Variants in EDC4 observed in about 807,000 individuals in gnomAD.
EDC4 encodes the protein enhancer of mRNA-decapping protein 4.
In EDC4, 64 loss-of-function variants were observed where a neutral mutation model predicts 155.8. That is an observed-to-expected ratio of 0.41 (90% confidence interval 0.34 to 0.51). The LOEUF (loss-of-function observed/expected upper bound fraction) is 0.51, where lower values mean the gene tolerates loss of function less well. EDC4 is among the 20% of genes least tolerant of loss of function. The pLI is 0.19. For missense variants in EDC4, 1,303 were observed against 1,812.5 expected (o/e 0.72, Z 5.10); for synonymous variants, 684 against 716.8 (o/e 0.95, Z 0.73).
chr16:67,875,379 A>G (rs919298505), intron 1 of EDC4, among the ~76,000 whole-genome samples: 1 of 152,084 alleles, frequency 6.6e-6, no homozygotes, highest in Non-Finnish European at 1.5e-5. Context: ...CTCTGACACT[A>G]CATTGGTCTA....
Position 67,876,395 on chromosome 16 carries a change from TC to T in EDC4, c.240-89del. On this transcript the variant is annotated intron_variant, in intron 2 of 28. Coordinates refer to ENST00000358933, the MANE Select transcript of EDC4 (RefSeq NM_014329.5). The surrounding 1 kb of genome is among the most constrained non-coding windows in gnomAD (Gnocchi z 5.8). ...GAAGCTGACATTGGACTAGATACCT[TC>T]CCCAGTCTGGCTATGTCCTCGCTTC... The T allele has an allele frequency of 1.3e-6, 2 of 1,525,868 alleles. No individual in the cohort carries two copies. Among genetic ancestry groups the T allele is most frequent in the East Asian group, 2.3e-5 (1 of 42,666 alleles). 94.5% of individuals were successfully genotyped at this position (1,525,868 alleles called of 1,614,324 possible).
chr16:67,878,484 T>G lies in EDC4; in HGVS notation c.1088+41T>G, dbSNP rs749253720. 1.9e-6 allele frequency: 3 copies of G among 1,614,210 alleles called. No homozygotes were observed. The highest frequency in any genetic ancestry group is 2.5e-6 in the Non-Finnish European group (3 of 1,180,018). On this transcript the variant is annotated intron_variant, in intron 9 of 28. Transcript: ENST00000358933. The surrounding 1 kb of genome is among the most constrained non-coding windows in gnomAD (Gnocchi z 5.2). The stretch of plus-strand genomic sequence containing the variant: ...GCCTAGTGGGTGGTGGGCTGGACCA[T>G]GGCTCCCAGCAGGGGCCCCAGCCAG...
In EDC4 at chr16:67,878,987, C is replaced by T. The variant is rs2058053252; in HGVS notation, c.1318C>T (p.Gln440Ter). ...CTATGTGATGGAGCTGCTGCAAAAC[C>T]AGGAGGAGGGCCACGCCTGCTTCAG... Reference protein sequence around the residue: ...VLYVMELLQNQEEGHACFSSI... With the variant: ...VLYVMELLQN The change falls in exon 12 of 29, where the codon CAG (glutamine) becomes TAG (stop). Residue 440 changes from glutamine (Q) to a stop codon, truncating the protein, a stop_gained. Transcript: ENST00000358933. LOFTEE classifies it high-confidence loss of function. This position sits in a 1 kb window ranked among gnomAD's most constrained non-coding sequence, Gnocchi z 5.2. The T allele has an allele frequency of 6.2e-7, 1 of 1,610,978 alleles. No individual in the cohort carries two copies. The highest frequency in any genetic ancestry group is 8.5e-7 in the Non-Finnish European group (1 of 1,178,848).
rs1163058915 is a variant in EDC4, at chr16:67,879,645, C to T, written c.1692C>T (p.Gly564=). Residue 564 remains glycine (G), a synonymous_variant, in exon 15 of 29, where the codon GGC becomes GGT. Coordinates refer to ENST00000358933, the MANE Select transcript of EDC4 (RefSeq NM_014329.5). The surrounding 1 kb of genome is among the most constrained non-coding windows in gnomAD (Gnocchi z 6.0). ...GSEGLGSAAH[G]SQPDLRRIVE... ...AGGGCCTGGGGTCAGCCGCTCACGG[C>T]TCCCAGCCTGACCTCCGACGAATCG... is the stretch of plus-strand genomic sequence containing the variant. The T allele has an allele frequency of 4.3e-6, 7 of 1,614,172 alleles. No homozygotes were observed. Among genetic ancestry groups the T allele is most frequent in the Non-Finnish European group, 5.9e-6 (7 of 1,180,028 alleles).
chr16:67,880,703 A>T lies in EDC4; in HGVS notation c.2244A>T (p.Ala748=). ...TGTCCCAGGACATCCCTGAGATTGC[A>T]TCTGAGGCCCTGTCCCGTGGTTTTG... ...TALSQDIPEI[A]SEALSRGFGS... The change falls in exon 18 of 29, where the codon GCA becomes GCT. Residue 748 remains alanine (A), a synonymous_variant. Coordinates refer to ENST00000358933, the MANE Select transcript of EDC4 (RefSeq NM_014329.5). The surrounding 1 kb of genome is among the most constrained non-coding windows in gnomAD (Gnocchi z 5.2). 1 of 1,614,138 alleles carries T rather than the reference A, an allele frequency of 6.2e-7. No homozygotes were observed. Among genetic ancestry groups the T allele is most frequent in the South Asian group, 1.1e-5 (1 of 91,088 alleles).
In EDC4 at chr16:67,883,677, C is replaced by G; in HGVS notation, c.3959C>G (p.Ser1320Cys). 6.2e-7 allele frequency: 1 copy of G among 1,614,188 alleles called. No homozygotes were observed. Among genetic ancestry groups the G allele is most frequent in the Non-Finnish European group, 8.5e-7 (1 of 1,180,038 alleles). ...CCGCTCTCCCAGCCTGTGCTCCTTT[C>G]CCTCATCCAGCAGCTGGCATCTGAC... ...PCPLSQPVLL[S>C]LIQQLASDLG... is the part of the protein sequence containing the mutation. Residue 1320 changes from serine to cysteine, a missense_variant, in exon 28 of 29, where the codon TCC becomes TGC. Physicochemically the swap from Ser to Cys is moderately radical, Grantham distance 112. Transcript: ENST00000358933. The surrounding 1 kb of genome is among the most constrained non-coding windows in gnomAD (Gnocchi z 5.3).
chr16:67,882,479 G>C lies in EDC4; in HGVS notation c.3327G>C (p.Pro1109=). The change falls in exon 25 of 29, where the codon CCG becomes CCC. Residue 1109 remains proline, a synonymous_variant. Transcript: ENST00000358933. This position sits in a 1 kb window ranked among gnomAD's most constrained non-coding sequence, Gnocchi z 7.2. ...ARAAADTLQG[P]MQAAYREAFQ... is the part of the protein sequence containing the mutation. ...CAGCTGCAGACACATTACAAGGGCC[G>C]ATGCAGGCTGCCTACCGGGAAGCCT... The C allele has an allele frequency of 1.2e-6, 2 of 1,614,220 alleles. No individual in the cohort carries two copies. Among genetic ancestry groups the C allele is most frequent in the South Asian group, 2.2e-5 (2 of 91,090 alleles).
Position 67,877,887 on chromosome 16 carries a change from C to T in EDC4, c.894+42C>T. 6.2e-7 allele frequency: 1 copy of T among 1,610,594 alleles called. No homozygotes were observed. The highest frequency in any genetic ancestry group is 8.5e-7 in the Non-Finnish European group (1 of 1,178,584). On this transcript the variant is annotated intron_variant, in intron 7 of 28. Transcript: ENST00000358933. This position sits in a 1 kb window ranked among gnomAD's most constrained non-coding sequence, Gnocchi z 4.9. ...CTGCCTCCCCTGCCCTCCCCACTTCCTCATATCCATCTTCTGTTCCCTATA... is the reference window on the plus strand; with the variant it reads ...CTGCCTCCCCTGCCCTCCCCACTTCTTCATATCCATCTTCTGTTCCCTATA...
chr16:67,879,721 C>T lies in EDC4; in HGVS notation c.1768C>T (p.Pro590Ser). The change falls in exon 15 of 29, where the codon CCC (proline) becomes TCC (serine). Residue 590 changes from proline (P) to serine (S), a missense_variant. Physicochemically the swap from Pro to Ser is moderately conservative, Grantham distance 74. This residue lies in a region of EDC4 where 391 missense variants were observed against 445.4 expected (regional missense o/e 0.88). Coordinates refer to ENST00000358933, the MANE Select transcript of EDC4 (RefSeq NM_014329.5). The surrounding 1 kb of genome is among the most constrained non-coding windows in gnomAD (Gnocchi z 6.0). ...DFLSLSSETK[P>S]KLMTPDAFMT... ...CCTCAGTCTGAGCAGTGAGACCAAG[C>T]CCAAGTTGATGACACCTGACGCCTT... 6.2e-7 allele frequency: 1 copy of T among 1,614,180 alleles called. No individual in the cohort carries two copies. Among genetic ancestry groups the T allele is most frequent in the Non-Finnish European group, 8.5e-7 (1 of 1,180,032 alleles).
rs994200999 is a variant in EDC4, at chr16:67,881,528, C to T, written c.2821C>T (p.His941Tyr). The T allele has an allele frequency of 1.9e-6, 3 of 1,613,814 alleles. No individual in the cohort carries two copies. Among genetic ancestry groups the T allele is most frequent in the Admixed American group, 1.7e-5 (1 of 60,006 alleles). ...DAAMGSRLTE[H>Y]QVAEPPEDWP... ...AGCCATGGGATCCCGGCTCACAGAGCACCAGGTAAGTGAATGAGCCCACTT... is the reference window on the plus strand; with the variant it reads ...AGCCATGGGATCCCGGCTCACAGAGTACCAGGTAAGTGAATGAGCCCACTT... The change falls in exon 21 of 29, where the codon CAC becomes TAC. Residue 941 changes from histidine (H) to tyrosine (Y), a missense_variant. Transcript: ENST00000358933. The surrounding 1 kb of genome is among the most constrained non-coding windows in gnomAD (Gnocchi z 5.4).
Position 67,880,201 on chromosome 16 carries a change from C to A in EDC4, c.2082C>A (p.Pro694=). The change falls in exon 17 of 29, where the codon CCC becomes CCA. Residue 694 remains proline, a synonymous_variant. Coordinates refer to ENST00000358933, the MANE Select transcript of EDC4 (RefSeq NM_014329.5). The surrounding 1 kb of genome is among the most constrained non-coding windows in gnomAD (Gnocchi z 5.2). ...LLPAPADKLT[P]KGPGQVPTAT... Reference sequence around the variant, plus strand: ...CAGCCCCAGCTGACAAACTGACTCCCAAGGGGCCGGGCCAGGTGTGTGACT... The same window carrying A: ...CAGCCCCAGCTGACAAACTGACTCCAAAGGGGCCGGGCCAGGTGTGTGACT... The A allele has an allele frequency of 6.2e-7, 1 of 1,608,454 alleles. No homozygotes were observed. The highest frequency in any genetic ancestry group is 1.1e-5 in the South Asian group (1 of 90,730).
Position 67,877,319 on chromosome 16 carries a change from C to T in EDC4, c.554C>T (p.Ala185Val), listed in dbSNP as rs770766550. ...GGCAGTGTGGCTGATCTGGCTTTCG[C>T]GCACCTCAACTCTCCACAGCTGGCC... Reference protein sequence around the residue: ...FTGSVADLAFAHLNSPQLACL... With the variant: ...FTGSVADLAFVHLNSPQLACL... The change falls in exon 5 of 29, where the codon GCG (alanine) becomes GTG (valine). Residue 185 changes from alanine (A) to valine (V), a missense_variant. Physicochemically the swap from Ala to Val is moderately conservative, Grantham distance 64. Coordinates refer to ENST00000358933, the MANE Select transcript of EDC4 (RefSeq NM_014329.5). The surrounding 1 kb of genome is among the most constrained non-coding windows in gnomAD (Gnocchi z 4.9). 3.7e-6 allele frequency: 6 copies of T among 1,614,136 alleles called. No individual in the cohort carries two copies. Among genetic ancestry groups the T allele is most frequent in the South Asian group, 3.3e-5 (3 of 91,084 alleles).
chr16:67,881,826 G>T lies in EDC4; in HGVS notation c.2985G>T (p.Glu995Asp). 1 of 1,613,742 alleles carries T rather than the reference G, an allele frequency of 6.2e-7. No homozygotes were observed. Among genetic ancestry groups the T allele is most frequent in the Non-Finnish European group, 8.5e-7 (1 of 1,179,670 alleles). The change falls in exon 22 of 29, where the codon GAG becomes GAT. Residue 995 changes from glutamate to aspartate, a missense_variant. By Grantham distance (45) the Glu-to-Asp change is conservative. Transcript: ENST00000358933. The surrounding 1 kb of genome is among the most constrained non-coding windows in gnomAD (Gnocchi z 5.4). ...TVTGHVERAL[E>D]TRHEQEQRRL... ...CAGGCCACGTAGAACGTGCCCTTGA[G>T]ACTCGGCACGAGCAGGAACGTATCC...
chr16:67,879,637 G>T lies in EDC4; in HGVS notation c.1684G>T (p.Ala562Ser). 6.2e-7 allele frequency: 1 copy of T among 1,614,122 alleles called. No individual in the cohort carries two copies. The highest frequency in any genetic ancestry group is 8.5e-7 in the Non-Finnish European group (1 of 1,180,016). The change falls in exon 15 of 29, where the codon GCT (alanine) becomes TCT (serine). Residue 562 changes from alanine (A) to serine (S), a missense_variant. Ala to Ser is a moderately conservative substitution (Grantham distance 99, BLOSUM62 1). Around this residue, in one of 5 missense-constraint regions of EDC4, gnomAD observed 391 missense variants for 445.4 expected, o/e 0.88. Coordinates refer to ENST00000358933, the MANE Select transcript of EDC4 (RefSeq NM_014329.5). This position sits in a 1 kb window ranked among gnomAD's most constrained non-coding sequence, Gnocchi z 6.0. Reference sequence around the variant, plus strand: ...GGGCTCTGAGGGCCTGGGGTCAGCCGCTCACGGCTCCCAGCCTGACCTCCG... The same window carrying T: ...GGGCTCTGAGGGCCTGGGGTCAGCCTCTCACGGCTCCCAGCCTGACCTCCG... The part of the protein sequence containing the change: ...ELGSEGLGSA[A>S]HGSQPDLRRI...
Position 67,878,164 on chromosome 16 carries a change from A to G in EDC4, c.895-2A>G. The G allele has an allele frequency of 6.2e-7, 1 of 1,614,070 alleles. No individual in the cohort carries two copies. Among genetic ancestry groups the G allele is most frequent in the Non-Finnish European group, 8.5e-7 (1 of 1,180,014 alleles). On this transcript the variant is annotated splice_acceptor_variant, in intron 7 of 28. Coordinates refer to ENST00000358933, the MANE Select transcript of EDC4 (RefSeq NM_014329.5). LOFTEE classifies it high-confidence loss of function. The surrounding 1 kb of genome is among the most constrained non-coding windows in gnomAD (Gnocchi z 5.2). The stretch of plus-strand genomic sequence containing the variant: ...CAGCAAAGCTTTTTGGGTTCTTTCT[A>G]GTGCCTCAGTGAAGGAGCCCTCTCT...
Position 67,881,110 on chromosome 16 carries a change from C to T in EDC4, c.2566C>T (p.Leu856=), listed in dbSNP as rs140833098. ...RNGLQEKHKS[L]AFHRPPYHLL... ...TGGCCTTCAGGAAAAGCACAAGAGC[C>T]TGGCCTTCCACCGACCACCATATCA... The change falls in exon 19 of 29, where the codon CTG becomes TTG. Residue 856 remains leucine, a synonymous_variant. Transcript: ENST00000358933. The surrounding 1 kb of genome is among the most constrained non-coding windows in gnomAD (Gnocchi z 5.4). 3.1e-6 allele frequency: 5 copies of T among 1,614,106 alleles called. No individual in the cohort carries two copies. The highest frequency in any genetic ancestry group is 1.7e-5 in the Admixed American group (1 of 60,028).
rs1406783891 is a variant in EDC4 at position 67,877,242 on chromosome 16, G to A, written c.477G>A (p.Val159=). ...CTGCCAACAATGGCTCTGCCATGGTGCGGGTGATCAGCGTCAGCACTTCGG... is the reference window on the plus strand; with the variant it reads ...CTGCCAACAATGGCTCTGCCATGGTACGGGTGATCAGCGTCAGCACTTCGG... ...IRAANNGSAM[V]RVISVSTSER... Residue 159 remains valine (V), a synonymous_variant, in exon 5 of 29, where the codon GTG becomes GTA. Transcript: ENST00000358933. The surrounding 1 kb of genome is among the most constrained non-coding windows in gnomAD (Gnocchi z 4.9). The A allele has an allele frequency of 1.2e-6, 2 of 1,613,904 alleles. No individual in the cohort carries two copies. Among genetic ancestry groups the A allele is most frequent in the Non-Finnish European group, 1.7e-6 (2 of 1,179,960 alleles).
Position 67,881,005 on chromosome 16 carries a change from AG to A in EDC4, c.2531+19del, listed in dbSNP as rs907844869. The A allele has an allele frequency of 6.2e-7, 1 of 1,613,368 alleles. No homozygotes were observed. The highest frequency in any genetic ancestry group is 8.5e-7 in the Non-Finnish European group (1 of 1,179,706). ...CTGGCAGAAAGGTGAGGAGCTTGGG[AG>A]GGGAAAAGTGTGCTAGCAGGAGGGG... On this transcript the variant is annotated intron_variant, in intron 18 of 28. Transcript: ENST00000358933. This position sits in a 1 kb window ranked among gnomAD's most constrained non-coding sequence, Gnocchi z 5.4.
rs768279217 is a variant in EDC4 at position 67,878,494 on chromosome 16, C to T, written c.1089-42C>T. Reference sequence around the variant, plus strand: ...TGGTGGGCTGGACCATGGCTCCCAGCAGGGGCCCCAGCCAGTCACTCACTG... The same window carrying T: ...TGGTGGGCTGGACCATGGCTCCCAGTAGGGGCCCCAGCCAGTCACTCACTG... On this transcript the variant is annotated intron_variant, in intron 9 of 28. Coordinates refer to ENST00000358933, the MANE Select transcript of EDC4 (RefSeq NM_014329.5). This position sits in a 1 kb window ranked among gnomAD's most constrained non-coding sequence, Gnocchi z 5.2. 1.2e-6 allele frequency: 2 copies of T among 1,614,218 alleles called. No individual in the cohort carries two copies. The highest frequency in any genetic ancestry group is 1.7e-6 in the Non-Finnish European group (2 of 1,180,032).
Sources: gnomAD v4.1 joint callset for allele counts (sites outside exome capture counted in the v4.1 genomes callset) on GRCh38, gnomAD v4.1.1 for gene constraint, gnomAD v4.1.1 regional missense constraint, Gnocchi (gnomAD v3.1) non-coding constraint, MANE v1.5 for transcripts, NCBI Gene and HGNC (gene_info 2026-07-23, HGNC 2026-07-21) for gene names.